Variants in ADCY2 observed in about 807,000 individuals in gnomAD.
The protein encoded by ADCY2 is adenylate cyclase 2.
In ADCY2, 31 loss-of-function variants were observed where a neutral mutation model predicts 125.2. The ratio of observed to expected loss-of-function variants is 0.25; its 90% CI spans 0.19 to 0.33. The LOEUF is 0.33. Ranked by LOEUF, ADCY2 falls within the 10% of genes least tolerant of loss-of-function variation. ADCY2 has a pLI of 1.00. For synonymous variants in ADCY2, 512 were observed against 548.4 expected (o/e 0.93, Z 0.93); for missense variants, 904 against 1,418.2 (o/e 0.64, Z 5.82).
intron 5 of ADCY2, chr5:7,691,922 G>T: frequency 6.4e-6 from 1 of 155,548 alleles, no homozygotes; most frequent in South Asian, 1.8e-4. Context: ...TCCAGAGAAG[G>T]AGAAAGAGAG....
At chr5:7,804,806 A>G in intron 22 of ADCY2, 114 bp downstream of exon 22, 1 of 745,062 alleles carries the variant, frequency 1.3e-6, no homozygotes, top group East Asian at 2.6e-5. Context: ...TGTACAACCT[A>G]AAGCTCAGGG....
intron 2 of ADCY2, among the ~76,000 whole-genome samples, chr5:7,513,984 C>G (rs540043885): frequency 1.2e-4 from 18 of 152,282 alleles, no homozygotes; most frequent in African/African-American, 3.6e-4. Context: ...CACAGAACCA[C>G]TGTGCTTTCT....
intron 4 of ADCY2, among the ~76,000 whole-genome samples, chr5:7,660,680 GTCTTCACTCTTAAGT>G (rs1202543457): frequency 2.0e-5 from 3 of 152,162 alleles, no homozygotes; most frequent in Non-Finnish European, 4.4e-5. Flanking sequence ...GGGGATCTCA[GTCTTCACTCTTAAGT>G]TCTTCAGTTG....
At chr5:7,470,626 C>T (rs895051436) in intron 2 of ADCY2, among the ~76,000 whole-genome samples, 3 of 121,698 alleles carry the variant, frequency 2.5e-5, no homozygotes, top group East Asian at 2.0e-4. Flanking sequence ...TTAAAAACTA[C>T]TGTATATATG....
chr5:7,495,392 TTAAGA>T (rs1743309745), intron 2 of ADCY2, among the ~76,000 whole-genome samples: 1 of 152,244 alleles, frequency 6.6e-6, no homozygotes, highest in South Asian at 2.1e-4. Context: ...CCATGAACTC[TTAAGA>T]TAGGATAAAT....
rs894592525 is a variant in ADCY2, at chr5:7,828,753, G to A, written c.*1882G>A. 12 of 152,308 alleles carry A rather than the reference G, an allele frequency of 7.9e-5. 1 individual carries two copies. Among genetic ancestry groups the A allele is most frequent in the East Asian group, 1.9e-4 (1 of 5,324 alleles). The allele number at this position is 152,308 out of a possible 1,614,324, so 9.4% of individuals were successfully genotyped here. The stretch of plus-strand genomic sequence containing the variant: ...ACTCATTCTTCACGGATGCCGTAGC[G>A]TTTCCGTGAGCTCAAACTGGCCTTG... On this transcript the variant is annotated 3_prime_UTR_variant, in exon 25 of 25. Transcript: ENST00000338316.
Position 7,452,234 on chromosome 5 carries a change from C to A in ADCY2, c.408+37464C>A, listed in dbSNP as rs1741501760. Among the ~76,000 whole-genome samples, 4 of 152,138 alleles carry A rather than the reference C, an allele frequency of 2.6e-5. No individual in the cohort carries two copies. In the South Asian group the frequency reaches 8.3e-4, roughly 32 times the overall value. On this transcript the variant is annotated intron_variant, in intron 2 of 24. Coordinates refer to ENST00000338316, the MANE Select transcript of ADCY2 (RefSeq NM_020546.3). ...GGCCCCCAATGTGTAGTTTTTTAAT[C>A]CCTCATCCTCCTCCTGCCCTCCCCA...
intron 3 of ADCY2, among the ~76,000 whole-genome samples, chr5:7,597,772 G>A (rs540061164): frequency 6.6e-6 from 1 of 152,284 alleles, no homozygotes; most frequent in Non-Finnish European, 1.5e-5. Context: ...GTGACAGACT[G>A]AGACCCTGCC....
At chr5:7,485,627 T>C (rs1742898650) in intron 2 of ADCY2, among the ~76,000 whole-genome samples, 1 of 152,214 alleles carries the variant, frequency 6.6e-6, no homozygotes, top group African/African-American at 2.4e-5. Context: ...CATATTAGTT[T>C]CTCATCTGGT....
chr5:7,481,489 G>A (rs1233733138), intron 2 of ADCY2, among the ~76,000 whole-genome samples: 1 of 151,400 alleles, frequency 6.6e-6, no homozygotes, highest in Non-Finnish European at 1.5e-5. Context: ...GGATGGTCTC[G>A]ATCTCTTGAC....
chr5:7,418,528 G>GAGAC (rs1487656814), intron 2 of ADCY2, among the ~76,000 whole-genome samples: 1 of 152,040 alleles, frequency 6.6e-6, no homozygotes, highest in Non-Finnish European at 1.5e-5. Flanking sequence ...ACCCCTTGGA[G>GAGAC]AGACATCGAG....
intron 6 of ADCY2, 149 bp downstream of exon 6, chr5:7,696,012 C>T: frequency 1.9e-6 from 1 of 537,816 alleles, no homozygotes; most frequent in South Asian, 2.6e-5. Context: ...TGCTATTGAT[C>T]TTTCATAAGC....
chr5:7,826,489 T>G lies in ADCY2; in HGVS notation c.3124-230T>G, dbSNP rs75028700. 335 of 646,920 alleles carry G rather than the reference T, an allele frequency of 5.2e-4. 1 individual carries two copies. The East Asian group carries it at 8.5e-3, about 16-fold the overall frequency. The allele number at this position is 646,920 out of a possible 1,614,324, so 40.1% of individuals were successfully genotyped here. Reference sequence around the variant, plus strand: ...AGCACCGTAGTTTACTGGAGTTACTTGAATTTTAGGTTGTTTCCAGTTTTT... The same window carrying G: ...AGCACCGTAGTTTACTGGAGTTACTGGAATTTTAGGTTGTTTCCAGTTTTT... On this transcript the variant is annotated intron_variant, in intron 24 of 24. Transcript: ENST00000338316.
At chr5:7,475,153 C>G (rs972776038) in intron 2 of ADCY2, among the ~76,000 whole-genome samples, 1 of 152,214 alleles carries the variant, frequency 6.6e-6, no homozygotes, top group African/African-American at 2.4e-5. Context: ...TTCTCCAGCA[C>G]ATAGGTGAAG....
intron 14 of ADCY2, among the ~76,000 whole-genome samples, chr5:7,731,282 G>A (rs148649740): frequency 7.7e-6 from 1 of 130,040 alleles, no homozygotes; most frequent in Non-Finnish European, 1.6e-5. Context: ...ATGGAGTCTT[G>A]CTCTGTCACC....
chr5:7,676,492 T>G (rs949080622), intron 4 of ADCY2, among the ~76,000 whole-genome samples: 1 of 144,056 alleles, frequency 6.9e-6, no homozygotes, highest in Non-Finnish European at 1.5e-5. Flanking sequence ...ACTTTAATTT[T>G]CTTGACAAAA....
intron 2 of ADCY2, among the ~76,000 whole-genome samples, chr5:7,497,928 T>A (rs1039696231): frequency 5.3e-5 from 8 of 152,054 alleles, no homozygotes; most frequent in African/African-American, 1.2e-4. Context: ...AGGGTGTCCA[T>A]TGAATAAGTG....
chr5:7,430,691 C>A (rs1264304751), intron 2 of ADCY2, among the ~76,000 whole-genome samples: 3 of 151,914 alleles, frequency 2.0e-5, no homozygotes, highest in African/African-American at 7.2e-5. Context: ...TCAACAGGTG[C>A]ACTGTGTGTC....
In ADCY2 at chr5:7,449,829, A is replaced by G. The variant is rs951286961; in HGVS notation, c.408+35059A>G. Among the ~76,000 whole-genome samples the G allele has an allele frequency of 4.6e-5, 7 of 152,160 alleles. No individual in the cohort carries two copies. In the East Asian group the frequency reaches 1.3e-3, roughly 29 times the overall value. ...GTGCTCACTTATGTCACTGTGTCCC[A>G]TTTTAGTCATTGTCACAGTATTTGA... On this transcript the variant is annotated intron_variant, in intron 2 of 24. Transcript: ENST00000338316.
Sources: allele counts gnomAD v4.1 joint callset (sites outside exome capture counted in the v4.1 genomes callset), GRCh38; gene constraint gnomAD v4.1.1; transcripts MANE v1.5; gene names NCBI Gene and HGNC (gene_info 2026-07-23, HGNC 2026-07-21).